Variants in SLC12A3 observed in about 807,000 individuals in gnomAD.
SLC12A3 encodes Na-Cl cotransporter.
Under a neutral mutation model 121.0 loss-of-function variants are expected in SLC12A3, and 104 were observed. That is an observed-to-expected ratio of 0.86 (90% CI 0.73 to 1.01). The LOEUF (loss-of-function observed/expected upper bound fraction) is 1.01. Ranked by LOEUF, SLC12A3 falls within the 50% of genes least tolerant of loss-of-function variation. SLC12A3 has a pLI of 0.00. For synonymous variants in SLC12A3, 536 were observed against 533.4 expected, an observed-to-expected ratio of 1.00 and a Z score of -0.07; for missense variants, 1,328 against 1,356.3, an observed-to-expected ratio of 0.98 and a Z score of 0.33.
chr16:56,892,140 G>A lies in SLC12A3; in HGVS notation c.2419+7G>A. 6.2e-7 allele frequency: 1 copy of A among 1,613,646 alleles called. No individual in the cohort carries two copies. The highest frequency in any genetic ancestry group is 8.5e-7 in the Non-Finnish European group (1 of 1,179,666). Reference sequence around the variant, plus strand: ...AAGGAAGCCAGCGCCAGAGGTGCCAGGCCATCAGTCTCTGGCGCTTGTCAG... The same window carrying A: ...AAGGAAGCCAGCGCCAGAGGTGCCAAGCCATCAGTCTCTGGCGCTTGTCAG... On this transcript the variant is annotated splice_region_variant and intron_variant, in intron 20 of 25. Transcript: ENST00000563236.
At chr16:56,910,046 C>T (rs1415832740) in intron 25 of SLC12A3, among the ~76,000 whole-genome samples, 4 of 150,718 alleles carry the variant, frequency 2.7e-5, no homozygotes, top group Non-Finnish European at 5.9e-5. Flanking sequence ...TGGGTCCAGA[C>T]ACCTCTTTTT....
At chr16:56,876,757 C>T (rs1162402976) in intron 8 of SLC12A3, among the ~76,000 whole-genome samples, 2 of 152,214 alleles carry the variant, frequency 1.3e-5, no homozygotes, top group African/African-American at 2.4e-5. Context: ...GTGAGCAGAA[C>T]AGCCCAGGGA....
At chr16:56,876,616 A>G (rs558932584) in intron 8 of SLC12A3, among the ~76,000 whole-genome samples, 32 of 151,732 alleles carry the variant, frequency 2.1e-4, no homozygotes, top group African/African-American at 7.0e-4. Context: ...CCTGGGCTCT[A>G]GAGACTCCAG....
intron 2 of SLC12A3, 83 bp from the exon 3 acceptor site, chr16:56,868,214 C>A: frequency 7.5e-7 from 1 of 1,341,734 alleles, no homozygotes; most frequent in Non-Finnish European, 1.1e-6. Flanking sequence ...GTGCTCGATA[C>A]CCTGCCATAG....
chr16:56,873,264 C>A (rs1320128926), intron 8 of SLC12A3, among the ~76,000 whole-genome samples: 1 of 152,126 alleles, frequency 6.6e-6, no homozygotes, highest in East Asian at 1.9e-4. Flanking sequence ...TACTGCTTTG[C>A]CCGTGTTACC....
chr16:56,874,687 C>T (rs2055144156), intron 8 of SLC12A3, among the ~76,000 whole-genome samples: 1 of 152,110 alleles, frequency 6.6e-6, no homozygotes, highest in South Asian at 2.1e-4. Flanking sequence ...TTCCTGTAAT[C>T]CCAGCTACTC....
chr16:56,907,059 A>G, intron 25 of SLC12A3: 1 of 198,158 alleles, frequency 5.0e-6, no homozygotes. Context: ...AGAATTCAAA[A>G]GGCACCAGCA....
intron 12 of SLC12A3, among the ~76,000 whole-genome samples, chr16:56,881,446 G>T (rs183006397): frequency 2.0e-5 from 3 of 151,544 alleles, no homozygotes; most frequent in Admixed American, 6.6e-5. Context: ...CTTTCATCTG[G>T]GGGGGGGTCT....
chr16:56,906,057 A>G (rs11640308), intron 25 of SLC12A3, among the ~76,000 whole-genome samples: 19,639 of 150,704 alleles, frequency 0.13, 1,391 homozygotes, highest in African/African-American at 0.18. Flanking sequence ...CTCTGGTGAT[A>G]CAACCCATTC....
intron 25 of SLC12A3, chr16:56,906,633 A>G (rs765144334): frequency 2.7e-6 from 1 of 376,700 alleles, no homozygotes; most frequent in Non-Finnish European, 4.9e-6. Flanking sequence ...TGGGAAGGCA[A>G]CAGTACCTAA....
chr16:56,908,046 T>C (rs1437241458), intron 25 of SLC12A3, among the ~76,000 whole-genome samples: 1 of 151,758 alleles, frequency 6.6e-6, no homozygotes, highest in African/African-American at 2.4e-5. Flanking sequence ...AAGCAGACCA[T>C]TGTCAGTCTG....
intron 23 of SLC12A3, among the ~76,000 whole-genome samples, chr16:56,900,261 C>T (rs1030845301): frequency 1.3e-5 from 2 of 152,106 alleles, no homozygotes; most frequent in African/African-American, 4.8e-5. Flanking sequence ...TTGTTAGGAG[C>T]TGTGCTTGGT....
chr16:56,903,641 G>A (rs531323217), intron 24 of SLC12A3, among the ~76,000 whole-genome samples: 50 of 152,174 alleles, frequency 3.3e-4, no homozygotes, highest in Middle Eastern at 3.4e-3. Flanking sequence ...CCTTCCCCTC[G>A]GTCTCTTGGT....
At chr16:56,867,347 A>C in intron 2 of SLC12A3, 131 bp downstream of exon 2, 3 of 924,884 alleles carry the variant, frequency 3.2e-6, no homozygotes, top group South Asian at 3.3e-5. Flanking sequence ...GAATTCAATG[A>C]GTTAATAGAT....
chr16:56,888,881 G>T (rs1364717689), intron 18 of SLC12A3, among the ~76,000 whole-genome samples: 5 of 152,134 alleles, frequency 3.3e-5, no homozygotes, highest in Admixed American at 2.6e-4. Flanking sequence ...ATTTTTCAGA[G>T]TAACTGCAAA....
At position 56,890,347 on chromosome 16, in the gene SLC12A3, C is replaced by T. The variant is rs1220232580; in HGVS notation, c.2359C>T (p.Gln787Ter). ...GGGACTCAACGTGTCCAAGATGATG[C>T]AGGCGCACAGTGAGTACATGCCCCA... The part of the protein sequence containing the change: ...REGLNVSKMM[Q>*]AHINPVFDPA... Residue 787 changes from glutamine to a stop codon, truncating the protein, a stop_gained, in exon 19 of 26, where the codon CAG becomes TAG. Coordinates refer to ENST00000563236, the MANE Select transcript of SLC12A3 (RefSeq NM_001126108.2). LOFTEE classifies it high-confidence loss of function. 6.2e-7 allele frequency: 1 copy of T among 1,613,806 alleles called. No individual in the cohort carries two copies. Among genetic ancestry groups the T allele is most frequent in the Non-Finnish European group, 8.5e-7 (1 of 1,179,698 alleles).
At chr16:56,912,243 G>A (rs1478905362) in intron 25 of SLC12A3, among the ~76,000 whole-genome samples, 1 of 152,254 alleles carries the variant, frequency 6.6e-6, no homozygotes, top group Non-Finnish European at 1.5e-5. Flanking sequence ...GGAGCCCACA[G>A]ACCCTCCTGG....
chr16:56,896,754 AAAT>A (rs1332053013), intron 22 of SLC12A3, among the ~76,000 whole-genome samples: 10 of 152,276 alleles, frequency 6.6e-5, no homozygotes, highest in African/African-American at 2.4e-4. Flanking sequence ...TCTATTTTTT[AAAT>A]AATAATATTT....
At chr16:56,879,771 A>G in intron 11 of SLC12A3, 122 bp downstream of exon 11, 2 of 754,246 alleles carry the variant, frequency 2.7e-6, no homozygotes, top group Non-Finnish European at 2.3e-6. Context: ...TGGGGTCTCT[A>G]GCCAGAAGGG....
Sources: allele counts gnomAD v4.1 joint callset (sites outside exome capture counted in the v4.1 genomes callset), GRCh38; gene constraint gnomAD v4.1.1; transcripts MANE v1.5; gene names NCBI Gene and HGNC (gene_info 2026-07-23, HGNC 2026-07-21).